The following DYM variants were observed in gnomAD, a reference collection of about 807,000 sequenced individuals.
DYM encodes the protein dyggve-Melchior-Clausen syndrome protein.
DYM carries 78 observed loss-of-function variants against 93.1 expected under a neutral mutation model. The observed-to-expected ratio is 0.84, with a 90% confidence interval of 0.70 to 1.01. The LOEUF (loss-of-function observed/expected upper bound fraction) is 1.01, where lower values mean the gene tolerates loss of function less well. Ranked by LOEUF, DYM falls within the 50% of genes least tolerant of loss-of-function variation. The pLI, the probability that DYM is intolerant of heterozygous loss-of-function variation, is 0.00. For synonymous variants in DYM, 321 were observed against 319.7 expected, an observed-to-expected ratio of 1.00 and a Z score of -0.04; for missense variants, 789 against 845.0, an observed-to-expected ratio of 0.93 and a Z score of 0.82.
chr18:49,286,327 A>G (rs2059660428), intron 9 of DYM, 107 bp downstream of exon 9: 15 of 1,322,402 alleles, frequency 1.1e-5, no homozygotes, highest in Non-Finnish European at 1.6e-5. Flanking sequence ...GACCAATATG[A>G]AAACATACAA....
At chr18:49,196,531 G>A (rs1015173786) in intron 14 of DYM, among the ~76,000 whole-genome samples, 1 of 152,138 alleles carries the variant, frequency 6.6e-6, no homozygotes, top group Non-Finnish European at 1.5e-5. Context: ...AAGTGAGAGA[G>A]TGCGAGGGGT....
At chr18:49,142,748 G>T (rs1481748269) in intron 15 of DYM, among the ~76,000 whole-genome samples, 4 of 152,152 alleles carry the variant, frequency 2.6e-5, no homozygotes, top group African/African-American at 9.7e-5. Flanking sequence ...ACTTACCAAA[G>T]AATAGGTTAA....
rs556998815 is a variant in DYM at position 49,452,687 on chromosome 18, G to A, written c.-54+7711C>T. On this transcript the variant is annotated intron_variant, in intron 1 of 17. Coordinates refer to ENST00000675505, the MANE Select transcript of DYM (RefSeq NM_001353214.3). ...GGCCTGAGCCTCCCTGACGAGCGCC[G>A]CTCCCTGCTCCCCAGCGCCTGGTCC... Among the ~76,000 whole-genome samples, 6 of 77,270 alleles carry A rather than the reference G, an allele frequency of 7.8e-5. 1 individual carries two copies. The highest frequency in any genetic ancestry group is 4.3e-4 in the South Asian group (1 of 2,302). The allele number at this position is 77,270 out of a possible 152,430, so 50.7% of individuals were successfully genotyped here. A position where few individuals can be genotyped will look rare whatever the true frequency, so the allele number is the denominator to read the frequency against.
At chr18:49,396,005 G>T (rs956176846) in intron 2 of DYM, among the ~76,000 whole-genome samples, 4 of 152,052 alleles carry the variant, frequency 2.6e-5, no homozygotes, top group Non-Finnish European at 4.4e-5. Flanking sequence ...ATTAGTACTG[G>T]TTGTGAAAAA....
At chr18:49,077,535 A>G (rs1307423129) in intron 17 of DYM, among the ~76,000 whole-genome samples, 5 of 152,190 alleles carry the variant, frequency 3.3e-5, no homozygotes, top group East Asian at 1.9e-4. Context: ...CAGATTTTCT[A>G]TGTCTTCAGT....
intron 2 of DYM, among the ~76,000 whole-genome samples, chr18:49,396,149 T>C (rs1040152508): frequency 6.6e-6 from 1 of 152,204 alleles, no homozygotes; most frequent in African/African-American, 2.4e-5. Context: ...GGTACCAGCC[T>C]GCAGAAGTGT....
intron 8 of DYM, among the ~76,000 whole-genome samples, chr18:49,306,595 A>G (rs1486058415): frequency 1.3e-5 from 2 of 150,094 alleles, no homozygotes; most frequent in Non-Finnish European, 3.0e-5. Flanking sequence ...CCTTTTCAGT[A>G]ATAAACATGG....
intron 1 of DYM, among the ~76,000 whole-genome samples, chr18:49,446,270 G>A (rs540498245): frequency 1.3e-5 from 2 of 151,836 alleles, no homozygotes; most frequent in East Asian, 3.9e-4. Flanking sequence ...AAAAGAAAAA[G>A]AGAGAGAGAG....
chr18:49,214,282 G>A (rs950175927), intron 13 of DYM, among the ~76,000 whole-genome samples: 4 of 152,136 alleles, frequency 2.6e-5, no homozygotes, highest in African/African-American at 7.2e-5. Context: ...CCTGAGCTCC[G>A]CCTCCTGTCA....
At chr18:49,339,390 T>C (rs1045775036) in intron 6 of DYM, among the ~76,000 whole-genome samples, 5 of 152,182 alleles carry the variant, frequency 3.3e-5, no homozygotes, top group Admixed American at 3.3e-4. Context: ...ACAACAAAAG[T>C]GAGAGTTATG....
At chr18:49,428,777 GGAT>G (rs2074543142) in intron 2 of DYM, among the ~76,000 whole-genome samples, 1 of 152,036 alleles carries the variant, frequency 6.6e-6, no homozygotes, top group Non-Finnish European at 1.5e-5. Flanking sequence ...TTCCTTTCTG[GGAT>G]GATAATGTTC....
At chr18:49,408,019 C>A (rs1185666073) in intron 2 of DYM, among the ~76,000 whole-genome samples, 1 of 137,024 alleles carries the variant, frequency 7.3e-6, no homozygotes, top group Admixed American at 8.0e-5. Flanking sequence ...TGCCTGATTC[C>A]AGGAATTTAA....
intron 14 of DYM, among the ~76,000 whole-genome samples, chr18:49,202,266 G>C (rs1271426462): frequency 1.3e-5 from 2 of 152,254 alleles, no homozygotes; most frequent in African/African-American, 4.8e-5. Flanking sequence ...CTTTTGGTCA[G>C]AGCAACACAC....
intron 17 of DYM, among the ~76,000 whole-genome samples, chr18:49,064,264 A>G (rs527515570): frequency 6.6e-6 from 1 of 152,344 alleles, no homozygotes; most frequent in South Asian, 2.1e-4. Flanking sequence ...TTGGAAATAT[A>G]AATTTTCTGA....
intron 14 of DYM, among the ~76,000 whole-genome samples, chr18:49,164,463 T>C (rs986014470): frequency 6.6e-6 from 1 of 152,152 alleles, no homozygotes; most frequent in Non-Finnish European, 1.5e-5. Flanking sequence ...TCGAGGAACA[T>C]TGCAGACTAT....
At chr18:49,265,325 CTG>C (rs1258137108) in intron 11 of DYM, among the ~76,000 whole-genome samples, 4 of 152,154 alleles carry the variant, frequency 2.6e-5, no homozygotes, top group Non-Finnish European at 5.9e-5. Flanking sequence ...CCTGAAAATT[CTG>C]ATGAAAATCC....
chr18:49,286,604 G>A lies in DYM; in HGVS notation c.776C>T (p.Thr259Ile). ...LASGVATGLWTVFTLGGVGSK... is the reference protein window; with the variant it reads ...LASGVATGLWIVFTLGGVGSK... ...GCCCACACCACCTAGTGTGAAGACA[G>A]TCCAGAGTCCTGCTGGGGAGGAAAA... Residue 259 changes from threonine (T) to isoleucine (I), a missense_variant, in exon 9 of 18, where the codon ACT (threonine) becomes ATT (isoleucine). This residue lies in a region of DYM where 450 missense variants were observed against 436.2 expected (regional missense o/e 1.03). Coordinates refer to ENST00000675505, the MANE Select transcript of DYM (RefSeq NM_001353214.3). 1 of 1,613,918 alleles carries A rather than the reference G, an allele frequency of 6.2e-7. No individual in the cohort carries two copies. Among genetic ancestry groups the A allele is most frequent in the Non-Finnish European group, 8.5e-7 (1 of 1,179,950 alleles).
At chr18:49,078,110 C>T (rs2077463034) in intron 17 of DYM, among the ~76,000 whole-genome samples, 1 of 151,986 alleles carries the variant, frequency 6.6e-6, no homozygotes, top group Non-Finnish European at 1.5e-5. Context: ...TTTTTTATTA[C>T]TTTTACAGTG....
intron 17 of DYM, among the ~76,000 whole-genome samples, chr18:49,059,831 C>T (rs2075807863): frequency 6.6e-6 from 1 of 152,150 alleles, no homozygotes; most frequent in Admixed American, 6.5e-5. Flanking sequence ...AACTCATGGG[C>T]ACTCATTTAA....
Sources: gnomAD v4.1 joint callset for allele counts (sites outside exome capture counted in the v4.1 genomes callset) on GRCh38, gnomAD v4.1.1 for gene constraint, gnomAD v4.1.1 regional missense constraint, MANE v1.5 for transcripts, NCBI Gene and HGNC (gene_info 2026-07-23, HGNC 2026-07-21) for gene names.